The following FZD3 variants were observed in gnomAD, a reference collection of about 807,000 sequenced individuals.
The protein encoded by FZD3 is frizzled-3.
A neutral mutation model predicts 60.7 loss-of-function variants in FZD3; 30 were observed. The observed-to-expected ratio is 0.49, with a 90% CI of 0.37 to 0.67. The LOEUF (loss-of-function observed/expected upper bound fraction) is 0.67. Among genes scored for constraint, FZD3 ranks in the 30% least tolerant of loss-of-function variants. The probability of loss-of-function intolerance (pLI) is 0.00; values close to 1 mark genes in which losing one functional copy is unlikely to be tolerated. For missense variants in FZD3, 605 were observed against 838.7 expected (o/e 0.72, Z 3.44); for synonymous variants, 246 against 275.2 (o/e 0.89, Z 1.05).
Position 28,528,157 on chromosome 8 carries a change from C to A in FZD3, c.1397C>A (p.Pro466Gln). The part of the protein sequence containing the change: ...ERCREYHIPC[P>Q]YQVTQMSRPD... ...TGCAGAGAATATCACATTCCATGTCCATATCAGGTAAGGGAAACCTTGTTA... is the reference window on the plus strand; with the variant it reads ...TGCAGAGAATATCACATTCCATGTCAATATCAGGTAAGGGAAACCTTGTTA... The change falls in exon 5 of 8, where the codon CCA becomes CAA. Residue 466 changes from proline to glutamine, a missense_variant. Coordinates refer to ENST00000240093, the MANE Select transcript of FZD3 (RefSeq NM_017412.4). The A allele has an allele frequency of 6.2e-7, 1 of 1,606,060 alleles. No homozygotes were observed. The highest frequency in any genetic ancestry group is 8.5e-7 in the Non-Finnish European group (1 of 1,176,042).
chr8:28,573,921 T>A lies in FZD3; in HGVS notation c.*10910T>A, dbSNP rs1223660841. On this transcript the variant is annotated 3_prime_UTR_variant, in exon 8 of 8. Transcript: ENST00000240093. ...CATATAAACATCTAATTAGAAAGTG[T>A]TTATGCTAAAGACTTGTATTTTGTG... The A allele has an allele frequency of 6.6e-6, 1 of 152,170 alleles. No homozygotes were observed. Among genetic ancestry groups the A allele is most frequent in the Non-Finnish European group, 1.5e-5 (1 of 67,996 alleles). 9.4% of individuals were successfully genotyped at this position (152,170 alleles called of 1,614,324 possible).
rs750907306 is a variant in FZD3 at position 28,527,391 on chromosome 8, A to T, written c.631A>T (p.Ile211Phe). ...FARYFIGLIS[I>F]ICLSATLFTF... is the part of the protein sequence containing the mutation. ...TCGCTATTTCATAGGATTGATTTCA[A>T]TCATTTGCCTCTCGGCCACATTGTT... The change falls in exon 5 of 8, where the codon ATC becomes TTC. Residue 211 changes from isoleucine to phenylalanine, a missense_variant. Physicochemically the swap from Ile to Phe is conservative, Grantham distance 21 (BLOSUM62 0). Coordinates refer to ENST00000240093, the MANE Select transcript of FZD3 (RefSeq NM_017412.4). This position sits in a 1 kb window ranked among gnomAD's most constrained non-coding sequence, Gnocchi z 5.0. The T allele has an allele frequency of 6.2e-7, 1 of 1,613,954 alleles. No homozygotes were observed. Among genetic ancestry groups the T allele is most frequent in the Admixed American group, 1.7e-5 (1 of 59,998 alleles).
chr8:28,545,029 G>A (rs1036129624), intron 5 of FZD3, among the ~76,000 whole-genome samples: 3 of 152,034 alleles, frequency 2.0e-5, no homozygotes, highest in Admixed American at 6.6e-5. Flanking sequence ...GTGATAACCC[G>A]TTAATCAGTT....
At chr8:28,537,718 G>T (rs539352209) in intron 5 of FZD3, among the ~76,000 whole-genome samples, 84 of 152,258 alleles carry the variant, frequency 5.5e-4, no homozygotes, top group Middle Eastern at 3.4e-3. Flanking sequence ...AACAGTGGTT[G>T]GTGACCTATG....
intron 5 of FZD3, among the ~76,000 whole-genome samples, chr8:28,530,113 G>C (rs1290952206): frequency 4.3e-5 from 6 of 138,230 alleles, no homozygotes; most frequent in Admixed American, 1.4e-4. Context: ...GTGTGTGTGT[G>C]TGTGTGTGTG....
rs1805668469 is a variant in FZD3 at position 28,564,400 on chromosome 8, C to T, written c.*1389C>T. ...GAATCACTTGGGTTACTTCAGATGC[C>T]TAACACCTTCCTCTCATACAAATAA... On this transcript the variant is annotated 3_prime_UTR_variant, in exon 8 of 8. Coordinates refer to ENST00000240093, the MANE Select transcript of FZD3 (RefSeq NM_017412.4). 1.4e-5 allele frequency: 2 copies of T among 147,118 alleles called. No individual in the cohort carries two copies. The highest frequency in any genetic ancestry group is 2.2e-4 in the South Asian group (1 of 4,568). 9.1% of individuals were successfully genotyped at this position (147,118 alleles called of 1,614,324 possible). A position where few individuals can be genotyped will look rare whatever the true frequency, so the allele number is the denominator to read the frequency against.
chr8:28,560,660 G>A (rs1267121934), intron 7 of FZD3, among the ~76,000 whole-genome samples: 1 of 151,882 alleles, frequency 6.6e-6, no homozygotes, highest in Non-Finnish European at 1.5e-5. Context: ...CTAGAAAACC[G>A]CATCATATTT....
chr8:28,501,641 A>G (rs1489202493), intron 2 of FZD3, among the ~76,000 whole-genome samples: 2 of 152,136 alleles, frequency 1.3e-5, no homozygotes, highest in African/African-American at 4.8e-5. Flanking sequence ...TTCATACCAG[A>G]CCTGCCTTCC....
At chr8:28,496,489 A>C (rs185695701) in intron 1 of FZD3, among the ~76,000 whole-genome samples, 1 of 152,140 alleles carries the variant, frequency 6.6e-6, no homozygotes, top group African/African-American at 2.4e-5. Flanking sequence ...ATTATGCATG[A>C]TTAAAACTGC....
At chr8:28,544,231 C>T (rs1177438486) in intron 5 of FZD3, among the ~76,000 whole-genome samples, 1 of 152,100 alleles carries the variant, frequency 6.6e-6, no homozygotes, top group Non-Finnish European at 1.5e-5. Flanking sequence ...CTGCTACATT[C>T]ATGTGTTCCT....
In FZD3 at chr8:28,527,477, A is replaced by G; in HGVS notation, c.717A>G (p.Ile239Met). ...TRFRYPERPI[I>M]FYAVCYMMVS... ...TCCGTTATCCTGAAAGGCCTATTAT[A>G]TTTTATGCAGTCTGCTACATGATGG... Residue 239 changes from isoleucine to methionine, a missense_variant, in exon 5 of 8, where the codon ATA (isoleucine) becomes ATG (methionine). By Grantham distance (10) the Ile-to-Met change is conservative (BLOSUM62 1). Transcript: ENST00000240093. The surrounding 1 kb of genome is among the most constrained non-coding windows in gnomAD (Gnocchi z 5.0). 1 of 1,613,626 alleles carries G rather than the reference A, an allele frequency of 6.2e-7. No individual in the cohort carries two copies. The highest frequency in any genetic ancestry group is 8.5e-7 in the Non-Finnish European group (1 of 1,179,688).
chr8:28,551,909 A>C (rs1339500551), intron 6 of FZD3, among the ~76,000 whole-genome samples, 158 bp downstream of exon 6: 1 of 152,222 alleles, frequency 6.6e-6, no homozygotes, highest in East Asian at 1.9e-4. Context: ...AGCATGTCTT[A>C]ATTTAAAACT....
In FZD3 at chr8:28,551,630, A is replaced by G; in HGVS notation, c.1432A>G (p.Ile478Val). 6.2e-7 allele frequency: 1 copy of G among 1,610,386 alleles called. No individual in the cohort carries two copies. ...QVTQMSRPDLILFLMKYLMAL... is the reference protein window; with the variant it reads ...QVTQMSRPDLVLFLMKYLMAL... ...TACTCAAATGAGTCGTCCAGACTTG[A>G]TTCTCTTTCTGATGAAATACCTGAT... Residue 478 changes from isoleucine (I) to valine (V), a missense_variant, in exon 6 of 8, where the codon ATT (isoleucine) becomes GTT (valine). Physicochemically the swap from Ile to Val is conservative, Grantham distance 29 (BLOSUM62 3). Coordinates refer to ENST00000240093, the MANE Select transcript of FZD3 (RefSeq NM_017412.4).
chr8:28,557,058 A>T (rs1805521665), intron 7 of FZD3, among the ~76,000 whole-genome samples: 1 of 152,144 alleles, frequency 6.6e-6, no homozygotes, highest in Non-Finnish European at 1.5e-5. Context: ...AGAAGAAATT[A>T]TATAGCCGGG....
intron 5 of FZD3, among the ~76,000 whole-genome samples, chr8:28,544,254 A>G (rs568505293): frequency 2.6e-4 from 40 of 152,160 alleles, no homozygotes; most frequent in Non-Finnish European, 4.0e-4. Context: ...TTAATATGAT[A>G]TGAATATCTG....
At chr8:28,540,924 C>G (rs182173442) in intron 5 of FZD3, among the ~76,000 whole-genome samples, 48 of 152,194 alleles carry the variant, frequency 3.2e-4, no homozygotes, top group African/African-American at 1.1e-3. Context: ...CCAGCCTGGG[C>G]GACAGAGTGA....
At chr8:28,518,345 A>G (rs1804488000) in intron 3 of FZD3, among the ~76,000 whole-genome samples, 4 of 151,826 alleles carry the variant, frequency 2.6e-5, no homozygotes, top group African/African-American at 9.7e-5. Flanking sequence ...GCCGTGAGCC[A>G]TTGCGTCCAG....
intron 3 of FZD3, among the ~76,000 whole-genome samples, chr8:28,517,397 G>A (rs1469142652): frequency 3.9e-5 from 6 of 152,070 alleles, no homozygotes; most frequent in South Asian, 4.1e-4. Flanking sequence ...AATAAGATAC[G>A]CCTAGCTGAG....
rs1327865444 is a variant in FZD3, at chr8:28,571,648, T to G, written c.*8637T>G. On this transcript the variant is annotated 3_prime_UTR_variant, in exon 8 of 8. Coordinates refer to ENST00000240093, the MANE Select transcript of FZD3 (RefSeq NM_017412.4). ...CCCAACTTCCAACAACTTTTCTGCTTTTATTTTCAAATGTCAAATTGTATT... is the reference window on the plus strand; with the variant it reads ...CCCAACTTCCAACAACTTTTCTGCTGTTATTTTCAAATGTCAAATTGTATT... 1 of 152,188 alleles carries G rather than the reference T, an allele frequency of 6.6e-6. No homozygotes were observed. Among genetic ancestry groups the G allele is most frequent in the African/African-American group, 2.4e-5 (1 of 41,438 alleles). The allele number at this position is 152,188 out of a possible 1,614,324, so 9.4% of individuals were successfully genotyped here.
Sources: allele counts gnomAD v4.1 joint callset (sites outside exome capture counted in the v4.1 genomes callset), GRCh38; gene constraint gnomAD v4.1.1; non-coding constraint Gnocchi (gnomAD v3.1); transcripts MANE v1.5; gene names NCBI Gene and HGNC (gene_info 2026-07-23, HGNC 2026-07-21).